The following PAPPA2 variants were observed in gnomAD, a reference collection of about 807,000 sequenced individuals.
The protein encoded by PAPPA2 is pappalysin-2.
In PAPPA2, 86 loss-of-function variants were observed where a neutral mutation model predicts 176.4. That is an observed-to-expected ratio of 0.49 (90% confidence interval 0.41 to 0.58). The LOEUF (loss-of-function observed/expected upper bound fraction) is 0.58, where lower values mean the gene tolerates loss of function less well. PAPPA2 is among the 20% of genes least tolerant of loss of function. The pLI, the probability that PAPPA2 is intolerant of heterozygous loss-of-function variation, is 0.00. For missense variants in PAPPA2, 2,073 were observed against 2,256.9 expected, an observed-to-expected ratio of 0.92 and a Z score of 1.65; for synonymous variants, 809 against 852.2, an observed-to-expected ratio of 0.95 and a Z score of 0.88.
intron 2 of PAPPA2, among the ~76,000 whole-genome samples, chr1:176,593,148 A>G (rs1653759506): frequency 6.6e-6 from 1 of 152,200 alleles, no homozygotes. Context: ...TTTATAAACC[A>G]TGAGTTATTA....
At chr1:176,577,393 A>G (rs376574812) in intron 2 of PAPPA2, among the ~76,000 whole-genome samples, 1 of 152,148 alleles carries the variant, frequency 6.6e-6, no homozygotes, top group African/African-American at 2.4e-5. Flanking sequence ...AAGCATGACT[A>G]TAATAAAAAT....
intron 2 of PAPPA2, among the ~76,000 whole-genome samples, chr1:176,593,188 G>A (rs10913212): frequency 0.32 from 48,267 of 152,058 alleles, 8,047 homozygotes; most frequent in Middle Eastern, 0.43. Flanking sequence ...AAGATATTCT[G>A]TCACTTTTGG....
In PAPPA2 at chr1:176,519,229, A is replaced by G. The variant is rs115211995; in HGVS notation, c.-916-36178A>G. On this transcript the variant is annotated intron_variant, in intron 1 of 22. Transcript: ENST00000367662. The stretch of plus-strand genomic sequence containing the variant: ...TCAGCCAACTCTTCTCACAAGTCAC[A>G]TGAACAGGTAACTTCAATACCATGG... 5.5e-3 allele frequency among the ~76,000 whole-genome samples: 841 copies of G among 152,326 alleles called. 8 individuals carry two copies. Among genetic ancestry groups the G allele is most frequent in the African/African-American group, 0.019 (789 of 41,568 alleles).
intron 3 of PAPPA2, chr1:176,616,459 C>A (rs1353193183): frequency 1.4e-6 from 1 of 699,220 alleles, no homozygotes; most frequent in Non-Finnish European, 2.6e-6. Context: ...AGTACTGGAG[C>A]TTTCCCAAGG....
intron 2 of PAPPA2, among the ~76,000 whole-genome samples, chr1:176,560,863 G>T (rs980068787): frequency 6.6e-6 from 1 of 152,206 alleles, no homozygotes. Context: ...ACCACCTGCA[G>T]CTCCAAGTTG....
intron 1 of PAPPA2, among the ~76,000 whole-genome samples, chr1:176,473,520 GT>G (rs1433839771): frequency 6.6e-6 from 1 of 152,206 alleles, no homozygotes; most frequent in Non-Finnish European, 1.5e-5. Context: ...GTAGATGTAA[GT>G]TTTACAGTCA....
rs541719170 is a variant in PAPPA2, at chr1:176,498,065, T to C, written c.-917+34647T>C. Among the ~76,000 whole-genome samples, 5 of 152,340 alleles carry C rather than the reference T, an allele frequency of 3.3e-5. No homozygotes were observed. The East Asian group carries it at 9.6e-4, about 29-fold the overall frequency. On this transcript the variant is annotated intron_variant, in intron 1 of 22. Transcript: ENST00000367662. ...AATTGTCTAGGCCTCTTTTAAAACATAGTACTCAGAATTGAACACAGTGGT... is the reference window on the plus strand; with the variant it reads ...AATTGTCTAGGCCTCTTTTAAAACACAGTACTCAGAATTGAACACAGTGGT...
At chr1:176,823,924 A>G (rs1666761911) in intron 21 of PAPPA2, among the ~76,000 whole-genome samples, 1 of 152,230 alleles carries the variant, frequency 6.6e-6, no homozygotes, top group African/African-American at 2.4e-5. Flanking sequence ...GGGTGTTACC[A>G]TCTCTCACCT....
At chr1:176,826,499 G>A (rs929090767) in intron 21 of PAPPA2, among the ~76,000 whole-genome samples, 21 of 152,286 alleles carry the variant, frequency 1.4e-4, no homozygotes, top group African/African-American at 5.1e-4. Context: ...GTGAAAGTGA[G>A]ACTGGATGGA....
At chr1:176,790,049 A>G (rs755906050) in intron 18 of PAPPA2, 72 bp downstream of exon 18, 10 of 1,528,558 alleles carry the variant, frequency 6.5e-6, no homozygotes, top group Non-Finnish European at 8.9e-6. Context: ...AAGAAATTTG[A>G]GAAATGAAAT....
At chr1:176,468,644 A>T (rs1453905808) in intron 1 of PAPPA2, among the ~76,000 whole-genome samples, 2 of 152,238 alleles carry the variant, frequency 1.3e-5, no homozygotes, top group South Asian at 4.1e-4. Flanking sequence ...GTGTACCCTC[A>T]TGCCCCCTCA....
intron 21 of PAPPA2, among the ~76,000 whole-genome samples, chr1:176,828,842 A>G (rs1571388296): frequency 6.6e-6 from 1 of 152,042 alleles, no homozygotes; most frequent in East Asian, 1.9e-4. Context: ...TCTCTACTAA[A>G]AATACAAAAA....
chr1:176,483,096 G>A (rs1452775309), intron 1 of PAPPA2, among the ~76,000 whole-genome samples: 1 of 152,144 alleles, frequency 6.6e-6, no homozygotes, highest in Non-Finnish European at 1.5e-5. Flanking sequence ...GATCATCAGT[G>A]CCATTGGACA....
intron 12 of PAPPA2, among the ~76,000 whole-genome samples, chr1:176,723,899 G>A (rs974728165): frequency 5.9e-5 from 9 of 152,076 alleles, no homozygotes; most frequent in African/African-American, 1.9e-4. Flanking sequence ...ATTTGCATTT[G>A]ATCCCTACTA....
At chr1:176,770,563 G>A (rs187664959) in intron 16 of PAPPA2, among the ~76,000 whole-genome samples, 1 of 152,240 alleles carries the variant, frequency 6.6e-6, no homozygotes, top group East Asian at 1.9e-4. Context: ...ATTTACACAC[G>A]TTAATACATG....
At chr1:176,621,178 A>G (rs1370543850) in intron 3 of PAPPA2, among the ~76,000 whole-genome samples, 3 of 152,222 alleles carry the variant, frequency 2.0e-5, no homozygotes, top group African/African-American at 7.2e-5. Flanking sequence ...AACTTAATCT[A>G]TTCTTCTGAG....
intron 10 of PAPPA2, among the ~76,000 whole-genome samples, chr1:176,708,530 T>TAG (rs71565479): frequency 0.02 from 2,892 of 145,434 alleles, 36 homozygotes; most frequent in African/African-American, 0.024. Context: ...TACGTACATG[T>TAG]AGAGAGAGAG....
intron 12 of PAPPA2, among the ~76,000 whole-genome samples, chr1:176,721,906 CT>C (rs1383326267): frequency 1.3e-5 from 2 of 151,090 alleles, no homozygotes; most frequent in East Asian, 3.9e-4. Context: ...ATCTTTTTAA[CT>C]TTTCTGTTCT....
At chr1:176,600,946 C>T (rs73044602) in intron 3 of PAPPA2, among the ~76,000 whole-genome samples, 9,865 of 152,208 alleles carry the variant, frequency 0.065, 403 homozygotes, top group East Asian at 0.21. Context: ...AAATCCTGTT[C>T]AATCTTCCTG....
Sources: gnomAD v4.1 joint callset for allele counts (sites outside exome capture counted in the v4.1 genomes callset) on GRCh38, gnomAD v4.1.1 for gene constraint, MANE v1.5 for transcripts, NCBI Gene and HGNC (gene_info 2026-07-23, HGNC 2026-07-21) for gene names.